The following NRXN1 variants were observed in gnomAD, a reference collection of about 807,000 sequenced individuals.
The protein encoded by NRXN1 is neurexin 1.
In NRXN1, 39 loss-of-function variants were observed where a neutral mutation model predicts 150.9. The ratio of observed to expected loss-of-function variants is 0.26; its 90% CI spans 0.20 to 0.34. The LOEUF (loss-of-function observed/expected upper bound fraction) is 0.34, where lower values mean the gene tolerates loss of function less well. NRXN1 is among the 10% of genes least tolerant of loss of function. The probability of loss-of-function intolerance (pLI) is 1.00; values close to 1 mark genes in which losing one functional copy is unlikely to be tolerated. For synonymous variants in NRXN1, 924 were observed against 757.0 expected (o/e 1.22, Z -3.62); for missense variants, 1,815 against 1,949.9 (o/e 0.93, Z 1.30).
intron 5 of NRXN1, among the ~76,000 whole-genome samples, chr2:50,837,987 C>T (rs1025645864): frequency 2.0e-5 from 3 of 152,196 alleles, no homozygotes; most frequent in Middle Eastern, 3.4e-3. Context: ...GCATTGCTGG[C>T]CTCATAAGAC....
At chr2:50,628,302 TATATC>T (rs1681556519) in intron 5 of NRXN1, among the ~76,000 whole-genome samples, 2 of 151,904 alleles carry the variant, frequency 1.3e-5, no homozygotes, top group South Asian at 4.1e-4. Flanking sequence ...AAAATGAAAA[TATATC>T]ATTTCTTTTG....
chr2:50,891,408 T>C (rs1297170396), intron 5 of NRXN1, among the ~76,000 whole-genome samples: 1 of 152,052 alleles, frequency 6.6e-6, no homozygotes, highest in East Asian at 1.9e-4. Flanking sequence ...CTTTCCTTTT[T>C]CACTTTATAG....
At chr2:49,979,657 A>G (rs1679633264) in intron 21 of NRXN1, among the ~76,000 whole-genome samples, 1 of 152,202 alleles carries the variant, frequency 6.6e-6, no homozygotes, top group East Asian at 1.9e-4. Flanking sequence ...GCATAGGGAA[A>G]TATTTTGGAC....
intron 19 of NRXN1, among the ~76,000 whole-genome samples, chr2:50,055,394 A>T (rs1411214134): frequency 6.6e-6 from 1 of 152,202 alleles, no homozygotes; most frequent in African/African-American, 2.4e-5. Flanking sequence ...TTTCTTATTA[A>T]CTAGTTAAAC....
intron 22 of NRXN1, among the ~76,000 whole-genome samples, chr2:49,941,721 A>G (rs1489029517): frequency 6.6e-6 from 1 of 152,162 alleles, no homozygotes; most frequent in African/African-American, 2.4e-5. Flanking sequence ...TGAAAAATGG[A>G]TTACCCTGAA....
intron 17 of NRXN1, among the ~76,000 whole-genome samples, chr2:50,411,395 G>A (rs973957508): frequency 2.0e-5 from 3 of 152,078 alleles, no homozygotes; most frequent in South Asian, 2.1e-4. Context: ...CCTCCCAGCC[G>A]CCTGCCTTGG....
intron 17 of NRXN1, among the ~76,000 whole-genome samples, chr2:50,337,675 C>T (rs999654966): frequency 2.6e-5 from 4 of 152,120 alleles, no homozygotes; most frequent in South Asian, 2.1e-4. Context: ...TCTTTCTCTG[C>T]ACAGGCTTTT....
intron 15 of NRXN1, among the ~76,000 whole-genome samples, chr2:50,485,392 T>C (rs1468502107): frequency 6.6e-6 from 1 of 152,218 alleles, no homozygotes; most frequent in South Asian, 2.1e-4. Context: ...TAGCTCGTAC[T>C]ATGCAGTGAG....
chr2:49,968,234 A>T (rs543227050), intron 21 of NRXN1, among the ~76,000 whole-genome samples: 18 of 152,172 alleles, frequency 1.2e-4, no homozygotes, highest in Admixed American at 7.9e-4. Flanking sequence ...GCTCAATTAT[A>T]CCCTAAGGGT....
At chr2:50,657,638 C>T (rs540295500) in intron 5 of NRXN1, among the ~76,000 whole-genome samples, 1 of 152,112 alleles carries the variant, frequency 6.6e-6, no homozygotes, top group South Asian at 2.1e-4. Flanking sequence ...GGTGTTCTTG[C>T]TTCTCATTAA....
chr2:50,267,429 T>G (rs497562), intron 17 of NRXN1, among the ~76,000 whole-genome samples: 62,626 of 152,072 alleles, frequency 0.41, 13,103 homozygotes, highest in Middle Eastern at 0.46. Context: ...AAAGAACTAT[T>G]CATTTCAATA....
At chr2:50,558,868 A>AG (rs895602994) in intron 8 of NRXN1, among the ~76,000 whole-genome samples, 2 of 152,046 alleles carry the variant, frequency 1.3e-5, no homozygotes, top group Admixed American at 1.3e-4. Flanking sequence ...CGAGGTCAGG[A>AG]GATCGAGATA....
intron 21 of NRXN1, among the ~76,000 whole-genome samples, chr2:49,999,960 C>T (rs1895126): frequency 0.48 from 72,190 of 151,952 alleles, 17,726 homozygotes; most frequent in Middle Eastern, 0.62. Context: ...GAAGATTTTT[C>T]GGTTTTTAAT....
chr2:50,009,581 A>G (rs1488214783), intron 21 of NRXN1, among the ~76,000 whole-genome samples: 2 of 152,152 alleles, frequency 1.3e-5, no homozygotes, highest in Admixed American at 6.6e-5. Flanking sequence ...TTATGCCTGC[A>G]TGGAGAAAAT....
intron 17 of NRXN1, among the ~76,000 whole-genome samples, chr2:50,282,050 C>G (rs141596430): frequency 6.6e-6 from 1 of 152,134 alleles, no homozygotes; most frequent in Non-Finnish European, 1.5e-5. Context: ...GGCATTGATA[C>G]ATTTAATCAA....
intron 5 of NRXN1, among the ~76,000 whole-genome samples, chr2:50,708,051 T>C (rs1278459874): frequency 6.6e-6 from 1 of 152,212 alleles, no homozygotes; most frequent in Admixed American, 6.5e-5. Flanking sequence ...TAATCTTTGA[T>C]ATATGTAGGA....
Position 49,976,179 on chromosome 2 carries a change from C to T in NRXN1, c.4129-32388G>A, listed in dbSNP as rs995833521. On this transcript the variant is annotated intron_variant, in intron 21 of 22. Transcript: ENST00000401669. The stretch of plus-strand genomic sequence containing the variant: ...ATGGGATTACAGGAGAGTGCCACCA[C>T]GCCCAGCTAATTTTTTTTTTTTTTT... Among the ~76,000 whole-genome samples, 11 of 141,766 alleles carry T rather than the reference C, an allele frequency of 7.8e-5. No individual in the cohort carries two copies. The East Asian group carries it at 1.0e-3, about 13-fold the overall frequency. The allele number at this position is 141,766 out of a possible 152,430, so 93.0% of individuals were successfully genotyped here. A position where few individuals can be genotyped will look rare whatever the true frequency, so the allele number is the denominator to read the frequency against.
chr2:50,710,956 A>G (rs1695059297), intron 5 of NRXN1, among the ~76,000 whole-genome samples: 1 of 152,190 alleles, frequency 6.6e-6, no homozygotes, highest in South Asian at 2.1e-4. Flanking sequence ...CCTTAAAAAA[A>G]TTTACCTCTG....
At chr2:50,037,586 C>A (rs1402093962) in intron 21 of NRXN1, among the ~76,000 whole-genome samples, 2 of 152,146 alleles carry the variant, frequency 1.3e-5, no homozygotes, top group African/African-American at 4.8e-5. Flanking sequence ...ATTAGGAAGA[C>A]TGAAGGCTAT....
Sources: allele counts gnomAD v4.1 joint callset (sites outside exome capture counted in the v4.1 genomes callset), GRCh38; gene constraint gnomAD v4.1.1; transcripts MANE v1.5; gene names NCBI Gene and HGNC (gene_info 2026-07-23, HGNC 2026-07-21).